The following NBEAL1 variants were observed in gnomAD, a reference collection of about 807,000 sequenced individuals.
NBEAL1 encodes the protein neurobeachin like 1, also known as neurobeachin-like protein 1.
A neutral mutation model predicts 351.3 loss-of-function variants in NBEAL1; 273 were observed. That is an observed-to-expected ratio of 0.78 (90% CI 0.70 to 0.86). The LOEUF (loss-of-function observed/expected upper bound fraction) is 0.86, where lower values mean the gene tolerates loss of function less well. Ranked by LOEUF, NBEAL1 falls within the 40% of genes least tolerant of loss-of-function variation. The pLI, the probability that NBEAL1 is intolerant of heterozygous loss-of-function variation, is 0.00. For missense variants in NBEAL1, 2,961 were observed against 3,201.3 expected, an observed-to-expected ratio of 0.92 and a Z score of 1.81; for synonymous variants, 1,050 against 1,086.4, an observed-to-expected ratio of 0.97 and a Z score of 0.66.
chr2:203,149,105 A>C lies in NBEAL1; in HGVS notation c.5419A>C (p.Ile1807Leu), dbSNP rs372315613. 1 of 1,610,228 alleles carries C rather than the reference A, an allele frequency of 6.2e-7. No homozygotes were observed. ...AGCCACTCTTAGACGCTGGAAAGCAATACAGCTCTATCTTACATGTGAAAG... is the reference window on the plus strand; with the variant it reads ...AGCCACTCTTAGACGCTGGAAAGCACTACAGCTCTATCTTACATGTGAAAG... ...QLATLRRWKA[I>L]QLYLTCERGP... is the part of the protein sequence containing the mutation. Residue 1807 changes from isoleucine to leucine, a missense_variant, in exon 34 of 56, where the codon ATA (isoleucine) becomes CTA (leucine). Ile to Leu is a conservative substitution (Grantham distance 5, BLOSUM62 2). Coordinates refer to ENST00000683969, the MANE Select transcript of NBEAL1 (RefSeq NM_001378026.1).
rs2065918173 is a variant in NBEAL1, at chr2:203,218,271, A to G, written c.*917A>G. The G allele has an allele frequency of 6.6e-6, 1 of 152,050 alleles. No homozygotes were observed. The highest frequency in any genetic ancestry group is 2.4e-5 in the African/African-American group (1 of 41,424). The allele number at this position is 152,050 out of a possible 1,614,324, so 9.4% of individuals were successfully genotyped here. Reference sequence around the variant, plus strand: ...TAACTTAAAATAATCATTTATATATAGTAATTTAAAAATTTCTATTTCATG... The same window carrying G: ...TAACTTAAAATAATCATTTATATATGGTAATTTAAAAATTTCTATTTCATG... On this transcript the variant is annotated 3_prime_UTR_variant, in exon 56 of 56. Coordinates refer to ENST00000683969, the MANE Select transcript of NBEAL1 (RefSeq NM_001378026.1).
At chr2:203,177,238 T>TA (rs1174571796) in intron 42 of NBEAL1, among the ~76,000 whole-genome samples, 2 of 148,078 alleles carry the variant, frequency 1.4e-5, no homozygotes, top group East Asian at 2.0e-4. Context: ...CTAGAATATA[T>TA]AAAAAACCCT....
At chr2:203,146,714 G>A (rs1021950869) in intron 33 of NBEAL1, among the ~76,000 whole-genome samples, 5 of 152,044 alleles carry the variant, frequency 3.3e-5, no homozygotes, top group African/African-American at 1.2e-4. Context: ...GAACACTCGA[G>A]TATAGGAGGT....
intron 2 of NBEAL1, among the ~76,000 whole-genome samples, chr2:203,025,219 C>T (rs1214651319): frequency 1.3e-5 from 2 of 152,280 alleles, no homozygotes; most frequent in East Asian, 3.9e-4. Flanking sequence ...CTGATGATCC[C>T]TTGGTAGCAA....
At chr2:203,147,592 G>T (rs951175851) in intron 33 of NBEAL1, among the ~76,000 whole-genome samples, 3 of 152,046 alleles carry the variant, frequency 2.0e-5, no homozygotes, top group African/African-American at 7.2e-5. Context: ...ATTTTAAGGT[G>T]TATATATTTG....
chr2:203,157,148 C>T (rs1427902021), intron 35 of NBEAL1, among the ~76,000 whole-genome samples: 1 of 152,110 alleles, frequency 6.6e-6, no homozygotes, highest in African/African-American at 2.4e-5. Flanking sequence ...TTATACCAGA[C>T]CTGCCTTTTT....
At chr2:203,063,897 A>G (rs1309877192) in intron 6 of NBEAL1, among the ~76,000 whole-genome samples, 1 of 152,164 alleles carries the variant, frequency 6.6e-6, no homozygotes, top group Non-Finnish European at 1.5e-5. Flanking sequence ...GTAAAATTCC[A>G]AGTGCCAATT....
At chr2:203,083,574 A>T (rs772003056) in intron 9 of NBEAL1, 49 bp downstream of exon 9, 48 of 1,364,500 alleles carry the variant, frequency 3.5e-5, no homozygotes, top group Non-Finnish European at 4.6e-5. Flanking sequence ...TTTTATTTTC[A>T]TATCTACCAC....
intron 2 of NBEAL1, among the ~76,000 whole-genome samples, chr2:203,025,963 C>A (rs2060849756): frequency 6.6e-6 from 1 of 152,122 alleles, no homozygotes; most frequent in South Asian, 2.1e-4. Flanking sequence ...CTGAGCAGCT[C>A]TCTCAGCAGC....
At chr2:203,074,368 A>C (rs1416559116) in intron 7 of NBEAL1, among the ~76,000 whole-genome samples, 1 of 123,622 alleles carries the variant, frequency 8.1e-6, no homozygotes, top group African/African-American at 3.2e-5. Flanking sequence ...TCTGTTACCC[A>C]GGCTGGAGTG....
In NBEAL1 at chr2:203,062,024, G is replaced by A. The variant is rs899385135; in HGVS notation, c.515+4571G>A. ...CAGTCCTCACACTCAAATAGTTTGTGTCCAGAGTGAGATATAATATACCTG... is the reference window on the plus strand; with the variant it reads ...CAGTCCTCACACTCAAATAGTTTGTATCCAGAGTGAGATATAATATACCTG... On this transcript the variant is annotated intron_variant, in intron 6 of 55. Transcript: ENST00000683969. The surrounding 1 kb of genome is among the most constrained non-coding windows in gnomAD (Gnocchi z 4.2). 1 of 334,694 alleles carries A rather than the reference G, an allele frequency of 3.0e-6. No homozygotes were observed. The highest frequency in any genetic ancestry group is 5.8e-6 in the Non-Finnish European group (1 of 172,796). The allele number at this position is 334,694 out of a possible 1,614,324, so 20.7% of individuals were successfully genotyped here. A position where few individuals can be genotyped will look rare whatever the true frequency, so the allele number is the denominator to read the frequency against.
intron 35 of NBEAL1, among the ~76,000 whole-genome samples, chr2:203,154,025 C>G (rs2063731975): frequency 6.6e-6 from 1 of 151,686 alleles, no homozygotes; most frequent in African/African-American, 2.4e-5. Context: ...GTGGGCGGAT[C>G]ACGAGGTCAG....
rs150702207 is a variant in NBEAL1, at chr2:203,043,600, G to A, written c.143+1744G>A. Reference sequence around the variant, plus strand: ...TACAAATAATTAAAAATGGTGGTGTGCACCTGTAGTCCCAGTTACTTGGGA... The same window carrying A: ...TACAAATAATTAAAAATGGTGGTGTACACCTGTAGTCCCAGTTACTTGGGA... On this transcript the variant is annotated intron_variant, in intron 3 of 55. Coordinates refer to ENST00000683969, the MANE Select transcript of NBEAL1 (RefSeq NM_001378026.1). 5.4e-3 allele frequency among the ~76,000 whole-genome samples: 815 copies of A among 152,026 alleles called. 12 individuals are homozygous for A. Among genetic ancestry groups the A allele is most frequent in the African/African-American group, 0.019 (769 of 41,456 alleles).
chr2:203,025,482 C>A (rs2060843041), intron 2 of NBEAL1, among the ~76,000 whole-genome samples: 2 of 151,858 alleles, frequency 1.3e-5, no homozygotes, highest in South Asian at 4.2e-4. Context: ...GCTTTTTTTT[C>A]CTTTCTGCAA....
intron 51 of NBEAL1, among the ~76,000 whole-genome samples, chr2:203,204,573 A>C (rs2065500832): frequency 6.6e-6 from 1 of 151,848 alleles, no homozygotes; most frequent in Non-Finnish European, 1.5e-5. Context: ...CCTAGGCTCA[A>C]GCGTTCTGCC....
intron 46 of NBEAL1, among the ~76,000 whole-genome samples, chr2:203,193,443 G>T (rs1168338704): frequency 6.6e-6 from 1 of 152,070 alleles, no homozygotes; most frequent in East Asian, 1.9e-4. Context: ...TTATAACCTA[G>T]CTGGGGAAGA....
intron 19 of NBEAL1, among the ~76,000 whole-genome samples, chr2:203,123,349 T>C (rs1419422583): frequency 6.6e-6 from 1 of 151,170 alleles, no homozygotes; most frequent in Non-Finnish European, 1.5e-5. Context: ...TTTCTTTTTT[T>C]TTTTTTTGAG....
intron 6 of NBEAL1, among the ~76,000 whole-genome samples, chr2:203,067,790 TC>T (rs1206086396): frequency 6.6e-6 from 1 of 152,236 alleles, no homozygotes; most frequent in Admixed American, 6.5e-5. Context: ...ACTATGCCCA[TC>T]TAAGAGATTC....
chr2:203,190,161 C>CAT, intron 45 of NBEAL1, 131 bp from the exon 46 acceptor site: 2 of 2,346 alleles, frequency 8.5e-4, no homozygotes, highest in Non-Finnish European at 8.0e-3. Context: ...GATGTGTGTA[C>CAT]ACACACACAC....
Sources: gnomAD v4.1 joint callset for allele counts (sites outside exome capture counted in the v4.1 genomes callset) on GRCh38, gnomAD v4.1.1 for gene constraint, Gnocchi (gnomAD v3.1) non-coding constraint, MANE v1.5 for transcripts, NCBI Gene and HGNC (gene_info 2026-07-23, HGNC 2026-07-21) for gene names.